The following AGBL3 variants were observed in gnomAD, a reference collection of about 807,000 sequenced individuals.
AGBL3 encodes the protein cytosolic carboxypeptidase 3.
In AGBL3, 68 loss-of-function variants were observed where a neutral mutation model predicts 94.5. The observed-to-expected ratio is 0.72, with a 90% CI of 0.59 to 0.88. The LOEUF is 0.88. Ranked by LOEUF, AGBL3 falls within the 40% of genes least tolerant of loss-of-function variation. The pLI is 0.00. For missense variants in AGBL3, 934 were observed against 1,103.8 expected (o/e 0.85, Z 2.18); for synonymous variants, 354 against 370.7 (o/e 0.95, Z 0.52).
intron 5 of AGBL3, among the ~76,000 whole-genome samples, chr7:135,029,942 C>T (rs1209186460): frequency 6.6e-6 from 1 of 152,082 alleles, no homozygotes; most frequent in Non-Finnish European, 1.5e-5. Flanking sequence ...TCAGAACACA[C>T]ACAGCAATTA....
chr7:135,007,271 T>G (rs906806869), intron 4 of AGBL3, among the ~76,000 whole-genome samples: 3 of 151,902 alleles, frequency 2.0e-5, no homozygotes, highest in African/African-American at 7.2e-5. Flanking sequence ...ATTATGAATA[T>G]AGATGTAAAA....
At chr7:135,101,284 A>C (rs1463586012) in intron 15 of AGBL3, 5 of 455,608 alleles carry the variant, frequency 1.1e-5, no homozygotes, top group Non-Finnish European at 2.2e-5. Context: ...GAAGGTTGTT[A>C]CTTGTTTTTA....
At position 135,034,263 on chromosome 7, in the gene AGBL3, T is replaced by C. The variant is rs748167591; in HGVS notation, c.672T>C (p.Thr224=). 28 of 1,551,616 alleles carry C rather than the reference T, an allele frequency of 1.8e-5. No individual in the cohort carries two copies. Among genetic ancestry groups the C allele is most frequent in the East Asian group, 2.4e-5 (1 of 40,928 alleles). Residue 224 remains threonine, a synonymous_variant, in exon 7 of 17, where the codon ACT becomes ACC. Transcript: ENST00000436302. ...NMRAGIVYRF[T]IVNFTKPASL... is the part of the protein sequence containing the mutation. Reference sequence around the variant, plus strand: ...GAGCAGGAATAGTCTACAGATTCACTATTGTCAACTTCACCAAACCTGCTA... The same window carrying C: ...GAGCAGGAATAGTCTACAGATTCACCATTGTCAACTTCACCAAACCTGCTA...
chr7:135,023,999 G>A (rs1160408781), intron 5 of AGBL3, among the ~76,000 whole-genome samples: 1 of 152,180 alleles, frequency 6.6e-6, no homozygotes, highest in Non-Finnish European at 1.5e-5. Flanking sequence ...GCTGAGTGTA[G>A]ATCTGTGACC....
At chr7:134,992,758 C>G in intron 3 of AGBL3, among the ~76,000 whole-genome samples, 1 of 152,226 alleles carries the variant, frequency 6.6e-6, no homozygotes, top group Non-Finnish European at 1.5e-5. Context: ...GAGCTCTAGT[C>G]CAGTTGCTGT....
At chr7:135,028,057 A>T (rs983447778) in intron 5 of AGBL3, among the ~76,000 whole-genome samples, 1 of 151,658 alleles carries the variant, frequency 6.6e-6, no homozygotes, top group African/African-American at 2.4e-5. Context: ...TCTTTGCCCT[A>T]ATTAGAAATA....
chr7:135,007,070 A>G (rs1363332618), intron 4 of AGBL3, among the ~76,000 whole-genome samples: 2 of 151,868 alleles, frequency 1.3e-5, no homozygotes, highest in Non-Finnish European at 3.0e-5. Context: ...CTTAAACCCA[A>G]ATAGCTTCAT....
intron 4 of AGBL3, among the ~76,000 whole-genome samples, chr7:135,006,689 T>C (rs1453910005): frequency 6.6e-6 from 1 of 151,950 alleles, no homozygotes; most frequent in Non-Finnish European, 1.5e-5. Flanking sequence ...TTGTGAAATC[T>C]TATGGAGGAA....
At chr7:135,067,045 G>A (rs1039593121) in intron 12 of AGBL3, among the ~76,000 whole-genome samples, 3 of 152,178 alleles carry the variant, frequency 2.0e-5, no homozygotes, top group African/African-American at 7.2e-5. Flanking sequence ...CCCTAATACT[G>A]CGCTCTTCCA....
At chr7:135,060,489 CT>C (rs1818732851) in intron 12 of AGBL3, among the ~76,000 whole-genome samples, 2 of 152,096 alleles carry the variant, frequency 1.3e-5, no homozygotes, top group South Asian at 4.1e-4. Flanking sequence ...TAATAGATCT[CT>C]TGAACTTATT....
At chr7:135,092,095 G>A (rs1821935526) in intron 15 of AGBL3, among the ~76,000 whole-genome samples, 2 of 152,194 alleles carry the variant, frequency 1.3e-5, no homozygotes. Flanking sequence ...GACCTTATAT[G>A]TAAATGCTTT....
intron 12 of AGBL3, among the ~76,000 whole-genome samples, chr7:135,067,882 G>C (rs983630907): frequency 6.6e-6 from 1 of 152,190 alleles, no homozygotes; most frequent in Non-Finnish European, 1.5e-5. Context: ...GAACAAAGCT[G>C]GATGGAAAAT....
chr7:135,074,431 G>A (rs1200571145), intron 12 of AGBL3, among the ~76,000 whole-genome samples: 3 of 152,156 alleles, frequency 2.0e-5, no homozygotes, highest in Non-Finnish European at 4.4e-5. Context: ...ACAGTTGCCA[G>A]AAGAAGAGGG....
intron 16 of AGBL3, among the ~76,000 whole-genome samples, chr7:135,130,437 G>A (rs1828572362): frequency 6.6e-6 from 1 of 151,900 alleles, no homozygotes; most frequent in African/African-American, 2.4e-5. Flanking sequence ...AACTTTCCTG[G>A]GTGTTAGAGC....
intron 3 of AGBL3, among the ~76,000 whole-genome samples, chr7:134,993,178 T>C (rs1368706712): frequency 1.3e-5 from 2 of 152,182 alleles, no homozygotes; most frequent in African/African-American, 2.4e-5. Context: ...GTTAGACAAA[T>C]AGTGTGACTA....
intron 3 of AGBL3, among the ~76,000 whole-genome samples, chr7:134,990,117 C>G (rs1193213073): frequency 6.6e-6 from 1 of 152,172 alleles, no homozygotes; most frequent in African/African-American, 2.4e-5. Flanking sequence ...GGCTTATTAT[C>G]TACTCATATT....
intron 15 of AGBL3, among the ~76,000 whole-genome samples, chr7:135,096,582 TAC>T (rs1822808478): frequency 2.8e-5 from 1 of 35,692 alleles, no homozygotes; most frequent in African/African-American, 9.3e-5. Context: ...GATAGATAGA[TAC>T]ATAGATAGAT....
rs1260583815 is a variant in AGBL3 at position 135,034,743 on chromosome 7, C to T, written c.1152C>T (p.Asn384=). The change falls in exon 7 of 17, where the codon AAC becomes AAT. Residue 384 remains asparagine (N), a synonymous_variant. Coordinates refer to ENST00000436302, the MANE Select transcript of AGBL3 (RefSeq NM_178563.4). ...MKGFLDYILG[N]SSDAQLLRDT... ...GCTTCCTAGATTATATTTTAGGAAACTCAAGTGATGCACAGTTGCTTCGGG... is the reference window on the plus strand; with the variant it reads ...GCTTCCTAGATTATATTTTAGGAAATTCAAGTGATGCACAGTTGCTTCGGG... 4.5e-6 allele frequency: 7 copies of T among 1,551,134 alleles called. No homozygotes were observed. Among genetic ancestry groups the T allele is most frequent in the Non-Finnish European group, 6.1e-6 (7 of 1,146,768 alleles).
intron 4 of AGBL3, among the ~76,000 whole-genome samples, chr7:135,013,734 A>G (rs1039215731): frequency 1.3e-5 from 2 of 152,098 alleles, no homozygotes; most frequent in African/African-American, 4.8e-5. Context: ...CAAAGTGGAG[A>G]GACATAAAAA....
Sources: gnomAD v4.1 joint callset for allele counts (sites outside exome capture counted in the v4.1 genomes callset) on GRCh38, gnomAD v4.1.1 for gene constraint, MANE v1.5 for transcripts, NCBI Gene and HGNC (gene_info 2026-07-23, HGNC 2026-07-21) for gene names.